The following FGF12 variants were observed in gnomAD, a reference collection of about 807,000 sequenced individuals.
FGF12 encodes fibroblast growth factor 12.
Under a neutral mutation model 23.6 loss-of-function variants are expected in FGF12, and 14 were observed. That is an observed-to-expected ratio of 0.59 (90% confidence interval 0.39 to 0.93). The LOEUF is 0.93. Among genes scored for constraint, FGF12 ranks in the 40% least tolerant of loss-of-function variants. FGF12 has a pLI of 0.00. For synonymous variants in FGF12, 62 were observed against 77.3 expected, an observed-to-expected ratio of 0.80 and a Z score of 1.04; for missense variants, 175 against 217.8, an observed-to-expected ratio of 0.80 and a Z score of 1.24.
chr3:192,709,111 G>C (rs1357441049), intron 2 of FGF12, among the ~76,000 whole-genome samples: 1 of 152,182 alleles, frequency 6.6e-6, no homozygotes, highest in African/African-American at 2.4e-5. Context: ...TCAAGGCAAT[G>C]TAAACACAGA....
chr3:192,224,440 A>G (rs1020603636), intron 4 of FGF12, among the ~76,000 whole-genome samples: 2 of 152,180 alleles, frequency 1.3e-5, no homozygotes, highest in African/African-American at 2.4e-5. Context: ...TAAAGTGAAA[A>G]GACATTTTAG....
chr3:192,390,211 T>C (rs1389064534), intron 2 of FGF12, among the ~76,000 whole-genome samples: 1 of 152,202 alleles, frequency 6.6e-6, no homozygotes, highest in Admixed American at 6.5e-5. Flanking sequence ...TCTCTATTCA[T>C]TTATTTGTTG....
intron 2 of FGF12, among the ~76,000 whole-genome samples, chr3:192,709,668 A>G (rs1560201640): frequency 6.6e-6 from 1 of 152,218 alleles, no homozygotes; most frequent in African/African-American, 2.4e-5. Flanking sequence ...GTGCTGGGAA[A>G]TTATTAAGTT....
At chr3:192,392,788 T>C (rs956050694) in intron 2 of FGF12, among the ~76,000 whole-genome samples, 1 of 152,198 alleles carries the variant, frequency 6.6e-6, no homozygotes, top group Non-Finnish European at 1.5e-5. Context: ...TCTAGACAGA[T>C]TATAAGTAGA....
chr3:192,185,288 T>G (rs1716395171), intron 4 of FGF12, among the ~76,000 whole-genome samples: 1 of 152,232 alleles, frequency 6.6e-6, no homozygotes, highest in Admixed American at 6.5e-5. Context: ...GTCTTATTTC[T>G]CACTGAAATA....
intron 4 of FGF12, among the ~76,000 whole-genome samples, chr3:192,210,389 A>G (rs749474417): frequency 1.3e-5 from 2 of 152,222 alleles, no homozygotes; most frequent in Non-Finnish European, 2.9e-5. Context: ...ATACACAAGA[A>G]AAAAGCCAGA....
At chr3:192,559,994 A>T (rs1341784730) in intron 2 of FGF12, among the ~76,000 whole-genome samples, 1 of 152,104 alleles carries the variant, frequency 6.6e-6, no homozygotes, top group African/African-American at 2.4e-5. Flanking sequence ...GATATACCAT[A>T]AAATAAGTAG....
intron 2 of FGF12, among the ~76,000 whole-genome samples, chr3:192,375,991 C>T (rs1392527259): frequency 3.9e-5 from 6 of 151,940 alleles, no homozygotes; most frequent in African/African-American, 7.3e-5. Flanking sequence ...TATAATATTC[C>T]CAGGTGTGGA....
At chr3:192,664,346 C>A (rs907711542) in intron 2 of FGF12, among the ~76,000 whole-genome samples, 15 of 152,000 alleles carry the variant, frequency 9.9e-5, no homozygotes, top group African/African-American at 2.9e-4. Context: ...GAGTGAAACT[C>A]CTCCCCAGAG....
intron 4 of FGF12, among the ~76,000 whole-genome samples, chr3:192,207,148 AT>A (rs1208725538): frequency 6.6e-6 from 1 of 152,250 alleles, no homozygotes; most frequent in African/African-American, 2.4e-5. Flanking sequence ...ATATCCATCC[AT>A]TCATCAGTGA....
chr3:192,254,706 C>A (rs1712267002), intron 4 of FGF12, among the ~76,000 whole-genome samples: 1 of 151,856 alleles, frequency 6.6e-6, no homozygotes. Flanking sequence ...ATTAAAAGAT[C>A]CAATGGGAAG....
chr3:192,311,473 C>T (rs539982161), intron 4 of FGF12, among the ~76,000 whole-genome samples: 87 of 152,254 alleles, frequency 5.7e-4, no homozygotes, highest in African/African-American at 1.9e-3. Context: ...TGCATCAGTA[C>T]TTTACTGCTT....
intron 2 of FGF12, among the ~76,000 whole-genome samples, chr3:192,407,262 C>T (rs186649546): frequency 6.6e-6 from 1 of 152,340 alleles, no homozygotes; most frequent in East Asian, 1.9e-4. Context: ...TTTCTTTACA[C>T]TCCTTGAGGC....
At chr3:192,520,930 C>A (rs774575607) in intron 2 of FGF12, among the ~76,000 whole-genome samples, 1 of 152,076 alleles carries the variant, frequency 6.6e-6, no homozygotes, top group Non-Finnish European at 1.5e-5. Flanking sequence ...AATAAGTAAC[C>A]TTGTGTGTAG....
intron 2 of FGF12, among the ~76,000 whole-genome samples, chr3:192,371,912 A>C (rs1009789143): frequency 6.6e-6 from 1 of 152,092 alleles, no homozygotes. Context: ...ACATCTCTCT[A>C]CTTCTTTAAC....
At chr3:192,627,521 A>G (rs1428009090) in intron 2 of FGF12, among the ~76,000 whole-genome samples, 2 of 152,156 alleles carry the variant, frequency 1.3e-5, no homozygotes, top group Non-Finnish European at 2.9e-5. Flanking sequence ...AAGTACAGCA[A>G]TTTCTACTCC....
At chr3:192,653,419 G>A (rs1160356686) in intron 2 of FGF12, among the ~76,000 whole-genome samples, 5 of 152,026 alleles carry the variant, frequency 3.3e-5, no homozygotes, top group Non-Finnish European at 7.3e-5. Context: ...AGCCAGCCTC[G>A]CTTTCTGTGC....
chr3:192,643,657 T>C (rs1715887704), intron 2 of FGF12, among the ~76,000 whole-genome samples: 1 of 152,236 alleles, frequency 6.6e-6, no homozygotes. Flanking sequence ...CTTAATGAAC[T>C]TTATTAGTGT....
intron 2 of FGF12, among the ~76,000 whole-genome samples, chr3:192,680,311 TGCCGAAGGAAATG>T (rs1462161061): frequency 2.0e-5 from 3 of 152,098 alleles, no homozygotes; most frequent in Non-Finnish European, 2.9e-5. Flanking sequence ...AGATGACTGC[TGCCGAAGGAAATG>T]GTGCAAAGGG....
Sources: allele counts gnomAD v4.1 joint callset (sites outside exome capture counted in the v4.1 genomes callset), GRCh38; gene constraint gnomAD v4.1.1; transcripts MANE v1.5; gene names NCBI Gene and HGNC (gene_info 2026-07-23, HGNC 2026-07-21).